Variants in SNRPC observed in about 807,000 individuals in gnomAD.
SNRPC encodes the protein small nuclear ribonucleoprotein polypeptide C.
SNRPC carries 5 observed loss-of-function variants against 20.0 expected under a neutral mutation model. The ratio of observed to expected loss-of-function variants is 0.25; its 90% CI spans 0.13 to 0.53. The LOEUF is 0.53. SNRPC is among the 20% of genes least tolerant of loss of function. The pLI, the probability that SNRPC is intolerant of heterozygous loss-of-function variation, is 0.96. For missense variants in SNRPC, 112 were observed against 224.1 expected (o/e 0.50, Z 3.19); for synonymous variants, 61 against 58.7 (o/e 1.04, Z -0.18).
intron 1 of SNRPC, 158 bp downstream of exon 1, chr6:34,757,709 A>G (rs974201055): frequency 4.9e-6 from 7 of 1,415,988 alleles, no homozygotes; most frequent in Non-Finnish European, 6.8e-6. Flanking sequence ...TAGACACCCC[A>G]TTTTAGAGTG....
chr6:34,767,816 C>T, intron 3 of SNRPC, 92 bp from the exon 4 acceptor site: 10 of 1,251,664 alleles, frequency 8.0e-6, no homozygotes, highest in Non-Finnish European at 1.1e-5. Context: ...TAATTGGAAC[C>T]GTTGAAGACT....
intron 2 of SNRPC, among the ~76,000 whole-genome samples, chr6:34,761,104 G>A (rs1431899811): frequency 6.6e-6 from 1 of 151,610 alleles, no homozygotes; most frequent in Admixed American, 6.6e-5. Context: ...ATTCAGTAGT[G>A]CTGTAATTTT....
chr6:34,761,794 C>T (rs528122482), intron 2 of SNRPC, among the ~76,000 whole-genome samples: 10 of 151,942 alleles, frequency 6.6e-5, no homozygotes, highest in African/African-American at 1.7e-4. Context: ...CAGGCTTGAG[C>T]TACTGCGCCC....
rs1236713448 is a variant in SNRPC at position 34,766,418 on chromosome 6, T to C, written c.161-1490T>C. Among the ~76,000 whole-genome samples, 5 of 152,226 alleles carry C rather than the reference T, an allele frequency of 3.3e-5. No homozygotes were observed. In the South Asian group the frequency reaches 6.2e-4, roughly 19 times the overall value. ...CTCACTATGTTGCCCAAGCTAGTCTTTAACTCTGGAGCTCAAGAGATCCTC... is the reference window on the plus strand; with the variant it reads ...CTCACTATGTTGCCCAAGCTAGTCTCTAACTCTGGAGCTCAAGAGATCCTC... On this transcript the variant is annotated intron_variant, in intron 3 of 5. Coordinates refer to ENST00000244520, the MANE Select transcript of SNRPC (RefSeq NM_003093.3).
chr6:34,766,654 C>T (rs1320175240), intron 3 of SNRPC, among the ~76,000 whole-genome samples: 1 of 152,192 alleles, frequency 6.6e-6, no homozygotes, highest in Non-Finnish European at 1.5e-5. Flanking sequence ...GACTTTGCTT[C>T]CCCCACTTCA....
intron 4 of SNRPC, 73 bp from the exon 5 acceptor site, chr6:34,770,218 G>A (rs1764669189): frequency 1.2e-5 from 14 of 1,135,918 alleles, no homozygotes; most frequent in South Asian, 1.1e-4. Flanking sequence ...ACGAAACTCC[G>A]TCTCAAAAAA....
intron 3 of SNRPC, 90 bp from the exon 4 acceptor site, chr6:34,767,818 T>C: frequency 1.5e-6 from 2 of 1,316,488 alleles, no homozygotes; most frequent in Non-Finnish European, 2.0e-6. Context: ...ATTGGAACCG[T>C]TGAAGACTTA....
rs59581435 is a variant in SNRPC, at chr6:34,759,041, A to G, written c.51+1087A>G. On this transcript the variant is annotated intron_variant, in intron 2 of 5. Transcript: ENST00000244520. ...TCTCAAAAAAAAAAAAAAAAAAAAA[A>G]AAAAGAAAAGAAAACCCACGTTAAT... Among the ~76,000 whole-genome samples the G allele has an allele frequency of 8.8e-4, 129 of 145,862 alleles. 2 individuals are homozygous for G. The highest frequency in any genetic ancestry group is 4.3e-3 in the East Asian group (19 of 4,440).
intron 2 of SNRPC, among the ~76,000 whole-genome samples, chr6:34,760,699 A>G (rs1764524825): frequency 6.6e-6 from 1 of 152,150 alleles, no homozygotes; most frequent in Non-Finnish European, 1.5e-5. Context: ...ATGTCTTGCA[A>G]AAATAGAAAA....
Position 34,767,978 on chromosome 6 carries a change from A to G in SNRPC, c.231A>G (p.Ile77Met), listed in dbSNP as rs201097183. 2 of 1,611,708 alleles carry G rather than the reference A, an allele frequency of 1.2e-6. No individual in the cohort carries two copies. Among genetic ancestry groups the G allele is most frequent in the South Asian group, 1.1e-5 (1 of 90,852 alleles). ...FSAPPPAGAMIPPPPSLPGPP... is the reference protein window; with the variant it reads ...FSAPPPAGAMMPPPPSLPGPP... ...CTCCTCCTCCTGCAGGGGCGATGAT[A>G]CCACCTCCCCCCAGCCTTCGTAAGT... The change falls in exon 4 of 6, where the codon ATA (isoleucine) becomes ATG (methionine). Residue 77 changes from isoleucine to methionine, a missense_variant. Around this residue, in one of 3 missense-constraint regions of SNRPC, gnomAD observed 45 missense variants for 48.6 expected, o/e 0.93. Coordinates refer to ENST00000244520, the MANE Select transcript of SNRPC (RefSeq NM_003093.3).
At chr6:34,772,657 C>T (rs1330720976) in intron 5 of SNRPC, among the ~76,000 whole-genome samples, 1 of 152,012 alleles carries the variant, frequency 6.6e-6, no homozygotes, top group Non-Finnish European at 1.5e-5. Context: ...ATATAGATAA[C>T]GTGAAATTAT....
At position 34,757,926 on chromosome 6, in the gene SNRPC, A is replaced by C; in HGVS notation, c.23A>C (p.Tyr8Ser). The change falls in exon 2 of 6, where the codon TAC becomes TCC. Residue 8 changes from tyrosine (Y) to serine (S), a missense_variant. This residue lies in a region of SNRPC where 10 missense variants were observed against 54.5 expected (regional missense o/e 0.18). Transcript: ENST00000244520. ...CCTCTTTTCAGGTTTTATTGTGACT[A>C]CTGCGATACATACCTCACCCATGAC... MPKFYCD[Y>S]CDTYLTHDSP... is the part of the protein sequence containing the mutation. 6.2e-7 allele frequency: 1 copy of C among 1,613,004 alleles called. No homozygotes were observed. The highest frequency in any genetic ancestry group is 8.5e-7 in the Non-Finnish European group (1 of 1,179,862).
chr6:34,770,166 G>A, intron 4 of SNRPC, 125 bp from the exon 5 acceptor site: 1 of 744,054 alleles, frequency 1.3e-6, no homozygotes, highest in Non-Finnish European at 2.4e-6. Flanking sequence ...AGGTTGTGGT[G>A]AGCCGAGATT....
At chr6:34,767,786 G>A in intron 3 of SNRPC, 122 bp from the exon 4 acceptor site, 1 of 969,466 alleles carries the variant, frequency 1.0e-6, no homozygotes. Context: ...AATTTTAGAT[G>A]ACAACTAGCA....
rs778355074 is a variant in SNRPC at position 34,762,723 on chromosome 6, T to C, written c.160+20T>C. ...AAACAAGTATGTTTCAATCTCTTGT[T>C]CTGCTGTGGTAAAATGGTCCTATTC... is the stretch of plus-strand genomic sequence containing the variant. On this transcript the variant is annotated intron_variant, in intron 3 of 5. Coordinates refer to ENST00000244520, the MANE Select transcript of SNRPC (RefSeq NM_003093.3). The C allele has an allele frequency of 1.6e-6, 2 of 1,256,552 alleles. No individual in the cohort carries two copies. Among genetic ancestry groups the C allele is most frequent in the Non-Finnish European group, 1.2e-6 (1 of 855,970 alleles). The allele number at this position is 1,256,552 out of a possible 1,614,324, so 77.8% of individuals were successfully genotyped here. A position where few individuals can be genotyped will look rare whatever the true frequency, so the allele number is the denominator to read the frequency against.
chr6:34,764,040 C>G (rs1162311249), intron 3 of SNRPC, among the ~76,000 whole-genome samples: 17 of 149,780 alleles, frequency 1.1e-4, no homozygotes, highest in Non-Finnish European at 1.5e-5. Context: ...AATTAAAAAA[C>G]AATAAAAAGG....
intron 2 of SNRPC, among the ~76,000 whole-genome samples, chr6:34,761,148 CT>C (rs897659246): frequency 7.3e-5 from 11 of 149,846 alleles, no homozygotes; most frequent in Non-Finnish European, 1.5e-4. Context: ...ATGTTTTTGT[CT>C]TTTTTTTTGA....
Position 34,767,990 on chromosome 6 carries a change from C to A in SNRPC, c.243C>A (p.Pro81=). 1.2e-6 allele frequency: 2 copies of A among 1,612,248 alleles called. No homozygotes were observed. The highest frequency in any genetic ancestry group is 8.5e-7 in the Non-Finnish European group (1 of 1,179,382). The change falls in exon 4 of 6, where the codon CCC becomes CCA. Residue 81 remains proline, a synonymous_variant. Transcript: ENST00000244520. The part of the protein sequence containing the change: ...PPAGAMIPPP[P]SLPGPPRPGM... ...CAGGGGCGATGATACCACCTCCCCC[C>A]AGCCTTCGTAAGTTTAAACTTTTAA... is the stretch of plus-strand genomic sequence containing the variant.
In SNRPC at chr6:34,773,795, G is replaced by A; in HGVS notation, c.*225G>A. On this transcript the variant is annotated 3_prime_UTR_variant, in exon 6 of 6. Coordinates refer to ENST00000244520, the MANE Select transcript of SNRPC (RefSeq NM_003093.3). The surrounding 1 kb of genome is among the most constrained non-coding windows in gnomAD (Gnocchi z 4.1). ...AAATTGTCAACTCTTTCAGTTAAAA[G>A]TGTGTTCCCTTTTTCCTCCTCTCTG... The A allele has an allele frequency of 5.0e-6, 2 of 397,406 alleles. No homozygotes were observed. Among genetic ancestry groups the A allele is most frequent in the Non-Finnish European group, 9.1e-6 (2 of 219,786 alleles). The allele number at this position is 397,406 out of a possible 1,614,324, so 24.6% of individuals were successfully genotyped here. A position where few individuals can be genotyped will look rare whatever the true frequency, so the allele number is the denominator to read the frequency against.
Sources: allele counts gnomAD v4.1 joint callset (sites outside exome capture counted in the v4.1 genomes callset), GRCh38; gene constraint gnomAD v4.1.1; regional missense constraint gnomAD v4.1.1; non-coding constraint Gnocchi (gnomAD v3.1); transcripts MANE v1.5; gene names NCBI Gene and HGNC (gene_info 2026-07-23, HGNC 2026-07-21).